Variants in CLTCL1 observed in about 807,000 individuals in gnomAD.
CLTCL1 encodes the protein clathrin heavy chain like 1.
Under a neutral mutation model 190.0 loss-of-function variants are expected in CLTCL1, and 159 were observed. The ratio of observed to expected loss-of-function variants is 0.84; its 90% CI spans 0.74 to 0.95. CLTCL1 has a LOEUF of 0.95. Among genes scored for constraint, CLTCL1 ranks in the 40% least tolerant of loss-of-function variants. The pLI is 0.00. For missense variants in CLTCL1, 1,878 were observed against 2,033.4 expected (o/e 0.92, Z 1.47); for synonymous variants, 752 against 769.6 (o/e 0.98, Z 0.38).
intron 9 of CLTCL1, 104 bp from the exon 10 acceptor site, chr22:19,232,702 GAGC>G: frequency 7.1e-7 from 1 of 1,414,800 alleles, no homozygotes; most frequent in South Asian, 1.3e-5. Flanking sequence ...ACAAAGAAAT[GAGC>G]AGCAACATTA....
intron 18 of CLTCL1, among the ~76,000 whole-genome samples, chr22:19,216,802 G>A (rs964086960): frequency 6.6e-6 from 1 of 152,168 alleles, no homozygotes; most frequent in Non-Finnish European, 1.5e-5. Context: ...TTACAAATAG[G>A]GTGGAAAGAC....
In CLTCL1 at chr22:19,277,803, C is replaced by T. The variant is rs576558573; in HGVS notation, c.43-1973G>A. On this transcript the variant is annotated intron_variant, in intron 1 of 32. Coordinates refer to ENST00000427926, the MANE Select transcript of CLTCL1 (RefSeq NM_007098.4). ...ATCCTACAATTTAATTCAATTCTGA[C>T]AATATCTACCTGGAAATAGTATCAG... is the stretch of plus-strand genomic sequence containing the variant. 2.0e-5 allele frequency among the ~76,000 whole-genome samples: 3 copies of T among 152,296 alleles called. No individual in the cohort carries two copies. In the South Asian group the frequency reaches 6.2e-4, roughly 32 times the overall value.
In CLTCL1 at chr22:19,203,571, A is replaced by C. The variant is rs879995995; in HGVS notation, c.3601-2078T>G. On this transcript the variant is annotated intron_variant, in intron 22 of 32. Transcript: ENST00000427926. Reference sequence around the variant, plus strand: ...GGACACCCCTGCCTGCTTTTCTCCCACCCCGCTGGCCAGTCTCCATCTCCC... The same window carrying C: ...GGACACCCCTGCCTGCTTTTCTCCCCCCCCGCTGGCCAGTCTCCATCTCCC... Among the ~76,000 whole-genome samples the C allele has an allele frequency of 9.9e-5, 15 of 151,356 alleles. 1 individual carries two copies. The highest frequency in any genetic ancestry group is 3.9e-4 in the Admixed American group (6 of 15,194).
In CLTCL1 at chr22:19,291,457, C is replaced by T. The variant is rs1398336896; in HGVS notation, c.42+143G>A. ...GGCCGCCGCGCCCGGGACGCCGCAGCCCCAGCCCAGGTGGGAGGTCGGAAA... is the reference window on the plus strand; with the variant it reads ...GGCCGCCGCGCCCGGGACGCCGCAGTCCCAGCCCAGGTGGGAGGTCGGAAA... On this transcript the variant is annotated intron_variant, in intron 1 of 32. Coordinates refer to ENST00000427926, the MANE Select transcript of CLTCL1 (RefSeq NM_007098.4). The T allele has an allele frequency of 7.8e-6, 6 of 771,558 alleles. No homozygotes were observed. In the East Asian group the frequency reaches 1.1e-4, roughly 14 times the overall value. 47.8% of individuals were successfully genotyped at this position (771,558 alleles called of 1,614,324 possible). A position where few individuals can be genotyped will look rare whatever the true frequency, so the allele number is the denominator to read the frequency against.
intron 22 of CLTCL1, 34 bp from the exon 23 acceptor site, chr22:19,201,527 C>A: frequency 6.6e-7 from 1 of 1,519,528 alleles, no homozygotes; most frequent in Non-Finnish European, 8.9e-7. Context: ...CTGAGACACT[C>A]TTCAATGGGA....
Position 19,199,807 on chromosome 22 carries a change from C to G in CLTCL1, c.3800G>C (p.Arg1267Pro). The G allele has an allele frequency of 1.3e-6, 2 of 1,597,704 alleles. No homozygotes were observed. Among genetic ancestry groups the G allele is most frequent in the Non-Finnish European group, 1.7e-6 (2 of 1,172,540 alleles). The change falls in exon 24 of 33, where the codon CGC becomes CCC. Residue 1267 changes from arginine (R) to proline (P), a missense_variant. Arg to Pro is a moderately radical substitution (Grantham distance 103). Coordinates refer to ENST00000427926, the MANE Select transcript of CLTCL1 (RefSeq NM_007098.4). ...CFACMDGQEF[R>P]FAQLCGLHIV... ...GTGAAGACCACACAGCTGTGCGAAG[C>G]GGAACTCTTGTCCATCCATGCAGGC...
At position 19,188,067 on chromosome 22, in the gene CLTCL1, G is replaced by A. The variant is rs535724317; in HGVS notation, c.4348C>T (p.Pro1450Ser). The A allele has an allele frequency of 7.7e-5, 125 of 1,613,912 alleles. No individual in the cohort carries two copies. Among genetic ancestry groups the A allele is most frequent in the South Asian group, 1.6e-4 (15 of 91,084 alleles). ...TGGCTCTGGACTGACCGCAGGTAAGGCTTCACCAGGGGCAGCTGACCTGCC... is the reference window on the plus strand; with the variant it reads ...TGGCTCTGGACTGACCGCAGGTAAGACTTCACCAGGGGCAGCTGACCTGCC... ...SKAGQLPLVK[P>S]YLRSVQSHNN... Residue 1450 changes from proline (P) to serine (S), a missense_variant, in exon 28 of 33, where the codon CCT becomes TCT. Transcript: ENST00000427926.
intron 1 of CLTCL1, among the ~76,000 whole-genome samples, chr22:19,277,829 A>G (rs2087570460): frequency 1.3e-5 from 2 of 152,208 alleles, no homozygotes; most frequent in South Asian, 4.1e-4. Context: ...ATAGTATCAG[A>G]TCCCACAGGT....
chr22:19,252,002 T>C (rs2086606522), intron 3 of CLTCL1, among the ~76,000 whole-genome samples: 1 of 152,216 alleles, frequency 6.6e-6, no homozygotes, highest in Non-Finnish European at 1.5e-5. Context: ...ACTGCCTTCA[T>C]CTAGTCACAC....
chr22:19,195,446 C>T (rs528017385), intron 26 of CLTCL1, among the ~76,000 whole-genome samples: 3 of 152,218 alleles, frequency 2.0e-5, no homozygotes, highest in Non-Finnish European at 2.9e-5. Flanking sequence ...ACGTGCCACT[C>T]GCGCCCACCC....
At chr22:19,239,945 CTTCT>C (rs1460835587) in intron 4 of CLTCL1, among the ~76,000 whole-genome samples, 31 of 148,368 alleles carry the variant, frequency 2.1e-4, no homozygotes, top group African/African-American at 6.2e-4. Context: ...CTTTCTTTTT[CTTCT>C]TTTTTTTTTT....
At chr22:19,245,418 T>G (rs894465825) in intron 3 of CLTCL1, among the ~76,000 whole-genome samples, 3 of 151,982 alleles carry the variant, frequency 2.0e-5, no homozygotes, top group Non-Finnish European at 2.9e-5. Context: ...GATCTCAAAC[T>G]CCTGATCTCA....
rs1025680672 is a variant in CLTCL1, at chr22:19,183,416, G to A, written c.4801C>T (p.Gln1601Ter). Residue 1601 changes from glutamine to a stop codon, truncating the protein, a stop_gained, in exon 30 of 33, where the codon CAG (glutamine) becomes TAG (stop). Coordinates refer to ENST00000427926, the MANE Select transcript of CLTCL1 (RefSeq NM_007098.4). LOFTEE classifies it high-confidence loss of function. The stretch of plus-strand genomic sequence containing the variant: ...TTGCTCAGGTACTCCCTCATCACCT[G>A]GATGAAGTAGGGCATGGCCAAGTCC... ...LVDLAMPYFI[Q>*]VMREYLSKVD... The A allele has an allele frequency of 6.2e-7, 1 of 1,613,352 alleles. No individual in the cohort carries two copies.
At chr22:19,255,770 C>T (rs751717581) in intron 2 of CLTCL1, among the ~76,000 whole-genome samples, 3 of 151,394 alleles carry the variant, frequency 2.0e-5, no homozygotes, top group Non-Finnish European at 4.4e-5. Flanking sequence ...ATTAGCCGGG[C>T]ATGGTGGCAC....
chr22:19,209,529 T>G (rs2085153795), intron 20 of CLTCL1, among the ~76,000 whole-genome samples: 1 of 152,154 alleles, frequency 6.6e-6, no homozygotes, highest in South Asian at 2.1e-4. Context: ...TCTGGCAGAT[T>G]GCGTGACAGT....
chr22:19,212,600 AAAGGAAGG>A (rs200691747), intron 19 of CLTCL1, among the ~76,000 whole-genome samples: 1 of 148,832 alleles, frequency 6.7e-6, no homozygotes, highest in Admixed American at 6.7e-5. Context: ...AGAAAGAAAG[AAAGGAAGG>A]AAGGAAGGAA....
At position 19,221,995 on chromosome 22, in the gene CLTCL1, C is replaced by T; in HGVS notation, c.2517G>A (p.Gln839=). The T allele has an allele frequency of 1.2e-6, 2 of 1,613,998 alleles. No individual in the cohort carries two copies. The highest frequency in any genetic ancestry group is 1.7e-6 in the Non-Finnish European group (2 of 1,179,876). The change falls in exon 16 of 33, where the codon CAG becomes CAA. Residue 839 remains glutamine (Q), a synonymous_variant. Coordinates refer to ENST00000427926, the MANE Select transcript of CLTCL1 (RefSeq NM_007098.4). ...CAGCCACCAACTCATCAGTAGAGAA[C>T]TGTCCTCTCACTGCCATGATTAAGT... ...IKHLIMAVRG[Q]FSTDELVAEV...
chr22:19,191,341 C>T lies in CLTCL1; in HGVS notation c.4286G>A (p.Arg1429Gln), dbSNP rs374962731. Residue 1429 changes from arginine to glutamine, a missense_variant, in exon 27 of 33, where the codon CGG becomes CAG. By Grantham distance (43) the Arg-to-Gln change is conservative. Coordinates refer to ENST00000427926, the MANE Select transcript of CLTCL1 (RefSeq NM_007098.4). ...ACTGACTGTCCAGGTGTGGTCCAGC[C>T]GGGGTGAAAGCACCAGCAGCAGGTC... ...INDLLLVLSP[R>Q]LDHTWTVSFF... 77 of 1,613,844 alleles carry T rather than the reference C, an allele frequency of 4.8e-5. No individual in the cohort carries two copies. The highest frequency in any genetic ancestry group is 1.1e-4 in the South Asian group (10 of 91,080).
chr22:19,223,192 A>G (rs369146799), intron 14 of CLTCL1, among the ~76,000 whole-genome samples: 2 of 152,120 alleles, frequency 1.3e-5, no homozygotes, highest in African/African-American at 4.8e-5. Flanking sequence ...ACACCCGGCC[A>G]CCATTCCCAG....
Sources: gnomAD v4.1 joint callset for allele counts (sites outside exome capture counted in the v4.1 genomes callset) on GRCh38, gnomAD v4.1.1 for gene constraint, MANE v1.5 for transcripts, NCBI Gene and HGNC (gene_info 2026-07-23, HGNC 2026-07-21) for gene names.